The following L3MBTL2 variants were observed in gnomAD, a reference collection of about 807,000 sequenced individuals.
The protein encoded by L3MBTL2 is lethal(3)malignant brain tumor-like protein 2.
In L3MBTL2, 49 loss-of-function variants were observed where a neutral mutation model predicts 86.4. That is an observed-to-expected ratio of 0.57 (90% CI 0.45 to 0.72). The LOEUF is 0.72. Ranked by LOEUF, L3MBTL2 falls within the 30% of genes least tolerant of loss-of-function variation. L3MBTL2 has a pLI of 0.00. For synonymous variants in L3MBTL2, 336 were observed against 350.6 expected, an observed-to-expected ratio of 0.96 and a Z score of 0.47; for missense variants, 755 against 923.7, an observed-to-expected ratio of 0.82 and a Z score of 2.37.
At chr22:41,216,433 T>C (rs765093701) in intron 4 of L3MBTL2, among the ~76,000 whole-genome samples, 171 bp downstream of exon 4, 5 of 152,200 alleles carry the variant, frequency 3.3e-5, no homozygotes, top group Non-Finnish European at 7.4e-5. Context: ...TTGTGGAAAT[T>C]ACCCAGAAAA....
At chr22:41,222,493 A>G (rs903263088) in intron 8 of L3MBTL2, among the ~76,000 whole-genome samples, 8 of 152,108 alleles carry the variant, frequency 5.3e-5, no homozygotes, top group African/African-American at 1.7e-4. Flanking sequence ...ACATATATAC[A>G]TGGTAAAAGT....
chr22:41,224,360 C>A lies in L3MBTL2; in HGVS notation c.1174+109C>A. The A allele has an allele frequency of 1.3e-6, 1 of 794,420 alleles. No homozygotes were observed. The highest frequency in any genetic ancestry group is 2.0e-6 in the Non-Finnish European group (1 of 493,942). The allele number at this position is 794,420 out of a possible 1,614,324, so 49.2% of individuals were successfully genotyped here. A position where few individuals can be genotyped will look rare whatever the true frequency, so the allele number is the denominator to read the frequency against. On this transcript the variant is annotated intron_variant, in intron 9 of 16. Coordinates refer to ENST00000216237, the MANE Select transcript of L3MBTL2 (RefSeq NM_031488.5). The surrounding 1 kb of genome is among the most constrained non-coding windows in gnomAD (Gnocchi z 4.9). Reference sequence around the variant, plus strand: ...GGTCAGCAGGTGGAGGTTGGCATGGCCCCCCTGCAGTGATGATACTGAGCT... The same window carrying A: ...GGTCAGCAGGTGGAGGTTGGCATGGACCCCCTGCAGTGATGATACTGAGCT...
chr22:41,222,643 G>A (rs1017363128), intron 8 of L3MBTL2, among the ~76,000 whole-genome samples: 3 of 151,506 alleles, frequency 2.0e-5, no homozygotes, highest in African/African-American at 4.9e-5. Flanking sequence ...AGCTAGGCAC[G>A]GCACAGTGGC....
chr22:41,230,418 G>T lies in L3MBTL2; in HGVS notation c.*167G>T. 1.6e-6 allele frequency: 1 copy of T among 610,188 alleles called. No individual in the cohort carries two copies. Among genetic ancestry groups the T allele is most frequent in the Non-Finnish European group, 2.9e-6 (1 of 344,746 alleles). The allele number at this position is 610,188 out of a possible 1,614,324, so 37.8% of individuals were successfully genotyped here. ...TGGAGGACCTGCTGGGGTCTCCTGG[G>T]ACCCGCCTGTTGCTTCTGCCCTCCC... On this transcript the variant is annotated 3_prime_UTR_variant, in exon 17 of 17. Coordinates refer to ENST00000216237, the MANE Select transcript of L3MBTL2 (RefSeq NM_031488.5).
chr22:41,213,342 TGA>T (rs1193253145), intron 2 of L3MBTL2, among the ~76,000 whole-genome samples: 1 of 152,066 alleles, frequency 6.6e-6, no homozygotes, highest in Non-Finnish European at 1.5e-5. Context: ...CGCTTTTTTT[TGA>T]GACAGTGTCT....
intron 6 of L3MBTL2, 107 bp downstream of exon 6, chr22:41,219,643 AC>A: frequency 1.4e-6 from 1 of 696,920 alleles, no homozygotes; most frequent in Non-Finnish European, 2.5e-6. Context: ...CAAAAATCCC[AC>A]CCACTGGAAT....
chr22:41,209,479 T>C (rs2030537111), intron 1 of L3MBTL2: 2 of 525,070 alleles, frequency 3.8e-6, no homozygotes, highest in African/African-American at 1.9e-5. Context: ...AGGAGCCTGG[T>C]GAATTCCTAA....
Position 41,225,838 on chromosome 22 carries a change from C to T in L3MBTL2, c.1401C>T (p.Pro467=). 1.2e-6 allele frequency: 2 copies of T among 1,614,124 alleles called. No individual in the cohort carries two copies. The highest frequency in any genetic ancestry group is 1.7e-6 in the Non-Finnish European group (2 of 1,179,992). The change falls in exon 12 of 17, where the codon CCC becomes CCT. Residue 467 remains proline, a synonymous_variant. Coordinates refer to ENST00000216237, the MANE Select transcript of L3MBTL2 (RefSeq NM_031488.5). This position sits in a 1 kb window ranked among gnomAD's most constrained non-coding sequence, Gnocchi z 4.1. ...TGATGATCTGTGTGGACGGGGGGCCCTCCACAGATGGCTTGGACTGGTTCT... is the reference window on the plus strand; with the variant it reads ...TGATGATCTGTGTGGACGGGGGGCCTTCCACAGATGGCTTGGACTGGTTCT... ...GYLMICVDGG[P]STDGLDWFCY...
rs1394633478 is a variant in L3MBTL2 at position 41,227,571 on chromosome 22, C to T, written c.1823-233C>T. ...GTCATATGTTCGTGCCCTTGTGCAC[C>T]CAGGTAAACTACCCAGGTCCCTCTG... On this transcript the variant is annotated intron_variant, in intron 14 of 16. Transcript: ENST00000216237. The surrounding 1 kb of genome is among the most constrained non-coding windows in gnomAD (Gnocchi z 6.0). 1.3e-6 allele frequency: 2 copies of T among 1,548,020 alleles called. No individual in the cohort carries two copies. Among genetic ancestry groups the T allele is most frequent in the East Asian group, 2.5e-5 (1 of 40,802 alleles).
intron 8 of L3MBTL2, among the ~76,000 whole-genome samples, chr22:41,223,744 C>T (rs2031991564): frequency 6.6e-6 from 1 of 152,244 alleles, no homozygotes; most frequent in Admixed American, 6.5e-5. Flanking sequence ...TGCATCAACT[C>T]ATTGGCGTTT....
At position 41,224,744 on chromosome 22, in the gene L3MBTL2, C is replaced by T; in HGVS notation, c.1194C>T (p.Ala398=). 6.2e-7 allele frequency: 1 copy of T among 1,613,688 alleles called. No individual in the cohort carries two copies. The highest frequency in any genetic ancestry group is 8.5e-7 in the Non-Finnish European group (1 of 1,179,608). ...CCAAAGAGAGGCGAAGTGACATGGC[C>T]CATCACCCCACCTTCCGGAAGATCT... The part of the protein sequence containing the change: ...IKMSERRSDM[A]HHPTFRKIYC... Residue 398 remains alanine, a synonymous_variant, in exon 10 of 17, where the codon GCC becomes GCT. Coordinates refer to ENST00000216237, the MANE Select transcript of L3MBTL2 (RefSeq NM_031488.5). The surrounding 1 kb of genome is among the most constrained non-coding windows in gnomAD (Gnocchi z 4.9).
In L3MBTL2 at chr22:41,227,145, G is replaced by A; in HGVS notation, c.1644G>A (p.Met548Ile). 1 of 1,613,712 alleles carries A rather than the reference G, an allele frequency of 6.2e-7. No individual in the cohort carries two copies. Among genetic ancestry groups the A allele is most frequent in the Non-Finnish European group, 8.5e-7 (1 of 1,180,006 alleles). The stretch of plus-strand genomic sequence containing the variant: ...TGAAGCTGGAGGCCGTGGACCTGAT[G>A]GAGCCCCGGCTCATCTGTGTGGCCA... ...VGMKLEAVDL[M>I]EPRLICVATV... The change falls in exon 14 of 17, where the codon ATG becomes ATA. Residue 548 changes from methionine (M) to isoleucine (I), a missense_variant. Coordinates refer to ENST00000216237, the MANE Select transcript of L3MBTL2 (RefSeq NM_031488.5). This position sits in a 1 kb window ranked among gnomAD's most constrained non-coding sequence, Gnocchi z 6.0.
chr22:41,230,540 G>T lies in L3MBTL2; in HGVS notation c.*289G>T. ...AGTTCCCAAAGCTGGAACGCTAGCTGCCTGCTCTTCCTTAAGATGGCCTCC... is the reference window on the plus strand; with the variant it reads ...AGTTCCCAAAGCTGGAACGCTAGCTTCCTGCTCTTCCTTAAGATGGCCTCC... On this transcript the variant is annotated 3_prime_UTR_variant, in exon 17 of 17. Transcript: ENST00000216237. 2.4e-6 allele frequency: 1 copy of T among 420,376 alleles called. No homozygotes were observed. Among genetic ancestry groups the T allele is most frequent in the Non-Finnish European group, 4.3e-6 (1 of 232,396 alleles). 26.0% of individuals were successfully genotyped at this position (420,376 alleles called of 1,614,324 possible).
At chr22:41,207,798 T>TA (rs1011372741) in intron 1 of L3MBTL2, among the ~76,000 whole-genome samples, 2 of 150,800 alleles carry the variant, frequency 1.3e-5, no homozygotes, top group African/African-American at 4.9e-5. Context: ...CTCAGCCTTC[T>TA]GAGTAGCTAG....
At chr22:41,208,413 A>G in intron 1 of L3MBTL2, 1 of 382,972 alleles carries the variant, frequency 2.6e-6, no homozygotes, top group Admixed American at 3.1e-5. Context: ...TACAGATGTG[A>G]ACCACCGTAC....
chr22:41,216,207 C>T lies in L3MBTL2; in HGVS notation c.465C>T (p.Phe155=), dbSNP rs1452094700. 1 of 1,614,140 alleles carries T rather than the reference C, an allele frequency of 6.2e-7. No homozygotes were observed. The highest frequency in any genetic ancestry group is 8.5e-7 in the Non-Finnish European group (1 of 1,180,012). The change falls in exon 4 of 17, where the codon TTC becomes TTT. Residue 155 remains phenylalanine, a synonymous_variant. Transcript: ENST00000216237. ...CCTGGTCTGCCAAAATTGGAGCCTT[C>T]CTCCACTCTCAAGGGACAGGACAGC... ...KAAWSAKIGA[F]LHSQGTGQLA...
At chr22:41,219,563 G>T in intron 6 of L3MBTL2, 27 bp downstream of exon 6, 1 of 1,433,902 alleles carries the variant, frequency 7.0e-7, no homozygotes, top group South Asian at 1.1e-5. Flanking sequence ...GGCAGGGCCA[G>T]GGATGTGTCT....
intron 7 of L3MBTL2, 81 bp from the exon 8 acceptor site, chr22:41,221,118 C>G (rs1706675340): frequency 7.5e-7 from 1 of 1,326,286 alleles, no homozygotes; most frequent in African/African-American, 1.5e-5. Flanking sequence ...TGAGGGGTCC[C>G]CACTCTGGGT....
chr22:41,226,794 C>T (rs748468993), intron 13 of L3MBTL2, 50 bp downstream of exon 13: 1 of 1,307,578 alleles, frequency 7.6e-7, no homozygotes, highest in Admixed American at 1.9e-5. Context: ...TCAGGACAGG[C>T]CCTGCCTGCT....
Sources: gnomAD v4.1 joint callset for allele counts (sites outside exome capture counted in the v4.1 genomes callset) on GRCh38, gnomAD v4.1.1 for gene constraint, Gnocchi (gnomAD v3.1) non-coding constraint, MANE v1.5 for transcripts, NCBI Gene and HGNC (gene_info 2026-07-23, HGNC 2026-07-21) for gene names.